ADRA1D: variants seen among roughly 807,000 people sequenced by gnomAD.
ADRA1D encodes adrenoceptor alpha 1D.
ADRA1D carries 22 observed loss-of-function variants against 18.6 expected under a neutral mutation model. The observed-to-expected ratio is 1.19, with a 90% CI of 0.85 to 1.69. The LOEUF is 1.69. Among genes scored for constraint, ADRA1D ranks in the 40% most tolerant of loss-of-function variants. The pLI, the probability that ADRA1D is intolerant of heterozygous loss-of-function variation, is 0.00. For missense variants in ADRA1D, 840 were observed against 840.7 expected (o/e 1.00, Z 0.01); for synonymous variants, 376 against 388.2 (o/e 0.97, Z 0.37).
intron 1 of ADRA1D, among the ~76,000 whole-genome samples, chr20:4,243,378 G>A (rs1452624360): frequency 1.3e-5 from 2 of 152,136 alleles, no homozygotes; most frequent in South Asian, 2.1e-4. Context: ...CCGATGAGGA[G>A]GGCAGATTTA....
Position 4,229,800 on chromosome 20 carries a change from GC to G in ADRA1D, c.1112-7671del, listed in dbSNP as rs964549008. ...CAGCCCCCTCACTGCTTGTGCCCCT[GC>G]CCCCTGAATCTTTTCTCACCCTGGC... On this transcript the variant is annotated intron_variant, in intron 1 of 1. Coordinates refer to ENST00000379453, the MANE Select transcript of ADRA1D (RefSeq NM_000678.4). Among the ~76,000 whole-genome samples, 76 of 151,010 alleles carry G rather than the reference GC, an allele frequency of 5.0e-4. 1 individual carries two copies. The highest frequency in any genetic ancestry group is 1.0e-3 in the Non-Finnish European group (70 of 67,834).
chr20:4,233,803 G>A (rs893434143), intron 1 of ADRA1D, among the ~76,000 whole-genome samples: 4 of 152,140 alleles, frequency 2.6e-5, no homozygotes, highest in Non-Finnish European at 4.4e-5. Context: ...GGGTGGGGGG[G>A]TGAGTGTGGC....
chr20:4,240,277 C>T (rs996792568), intron 1 of ADRA1D, among the ~76,000 whole-genome samples: 4 of 152,148 alleles, frequency 2.6e-5, no homozygotes, highest in African/African-American at 7.2e-5. Context: ...CCATATGCAA[C>T]GTGTGCTCCT....
At chr20:4,232,089 T>A (rs1004788073) in intron 1 of ADRA1D, among the ~76,000 whole-genome samples, 5 of 152,218 alleles carry the variant, frequency 3.3e-5, no homozygotes, top group African/African-American at 1.2e-4. Context: ...ATTTTCTGTA[T>A]TTTTAGTAGA....
At chr20:4,244,981 A>AC (rs1324052426) in intron 1 of ADRA1D, among the ~76,000 whole-genome samples, 1 of 151,824 alleles carries the variant, frequency 6.6e-6, no homozygotes, top group Non-Finnish European at 1.5e-5. Context: ...GGCCTCCTCC[A>AC]CCCCCCAATT....
At chr20:4,227,700 CTCCCTCCTTCCTTCCT>C (rs1469109044) in intron 1 of ADRA1D, among the ~76,000 whole-genome samples, 17 of 31,554 alleles carry the variant, frequency 5.4e-4, no homozygotes, top group Non-Finnish European at 1.0e-3. Flanking sequence ...CCCTCCCTCC[CTCCCTCCTTCCTTCCT>C]TCCTTCCTTC....
Position 4,221,677 on chromosome 20 carries a change from C to A in ADRA1D, c.1565G>T (p.Arg522Leu), listed in dbSNP as rs759055403. The A allele has an allele frequency of 6.2e-7, 1 of 1,612,470 alleles. No homozygotes were observed. The highest frequency in any genetic ancestry group is 1.7e-5 in the Admixed American group (1 of 59,972). ...CTCTGCGCGCTGCGCGCCCCCGGCGCGGATCTTGTGCGACAGGCTGGAGAC... is the reference window on the plus strand; with the variant it reads ...CTCTGCGCGCTGCGCGCCCCCGGCGAGGATCTTGTGCGACAGGCTGGAGAC... ...AKVSSLSHKI[R>L]AGGAQRAEAA... Residue 522 changes from arginine (R) to leucine (L), a missense_variant, in exon 2 of 2, where the codon CGC becomes CTC. Transcript: ENST00000379453.
intron 1 of ADRA1D, among the ~76,000 whole-genome samples, chr20:4,247,056 C>T (rs536099611): frequency 3.9e-5 from 6 of 152,162 alleles, no homozygotes; most frequent in Non-Finnish European, 8.8e-5. Context: ...GCCTCCAGTC[C>T]CAGACCCAGG....
intron 1 of ADRA1D, among the ~76,000 whole-genome samples, chr20:4,241,002 A>C (rs73896005): frequency 6.6e-6 from 1 of 152,184 alleles, no homozygotes; most frequent in African/African-American, 2.4e-5. Flanking sequence ...TTGCTTATTC[A>C]TAGTAATTAC....
At chr20:4,244,313 C>T (rs950079254) in intron 1 of ADRA1D, among the ~76,000 whole-genome samples, 2 of 152,208 alleles carry the variant, frequency 1.3e-5, no homozygotes, top group Non-Finnish European at 2.9e-5. Flanking sequence ...TGGTGCTCGT[C>T]ACAGCTAGTG....
At chr20:4,226,768 G>A (rs1374328119) in intron 1 of ADRA1D, among the ~76,000 whole-genome samples, 1 of 152,212 alleles carries the variant, frequency 6.6e-6, no homozygotes, top group Non-Finnish European at 1.5e-5. Context: ...TGTTTTATGT[G>A]TTCTCTGCCC....
In ADRA1D at chr20:4,248,741, C is replaced by T. The variant is rs529759648; in HGVS notation, c.217G>A (p.Gly73Arg). ...EDNRSSAGEP[G>R]SAGAGGDVNG... ...ACGTCGCCGCCCGCGCCCGCGCTCC[C>T]CGGCTCCCCCGCGGAGCTCCGGTTG... The change falls in exon 1 of 2, where the codon GGG (glycine) becomes AGG (arginine). Residue 73 changes from glycine to arginine, a missense_variant. Coordinates refer to ENST00000379453, the MANE Select transcript of ADRA1D (RefSeq NM_000678.4). 1.3e-5 allele frequency: 20 copies of T among 1,531,060 alleles called. No individual in the cohort carries two copies. The East Asian group carries it at 2.0e-4, about 15-fold the overall frequency. 94.8% of individuals were successfully genotyped at this position (1,531,060 alleles called of 1,614,324 possible). A position where few individuals can be genotyped will look rare whatever the true frequency, so the allele number is the denominator to read the frequency against.
At chr20:4,243,978 A>G (rs1252909893) in intron 1 of ADRA1D, among the ~76,000 whole-genome samples, 1 of 152,186 alleles carries the variant, frequency 6.6e-6, no homozygotes. Context: ...TCTCCCAGCC[A>G]GTGACTTGGG....
At chr20:4,243,912 C>A (rs1032644482) in intron 1 of ADRA1D, among the ~76,000 whole-genome samples, 19 of 152,160 alleles carry the variant, frequency 1.2e-4, no homozygotes, top group African/African-American at 4.6e-4. Context: ...GGGGATGATC[C>A]CCAGCTACTC....
intron 1 of ADRA1D, among the ~76,000 whole-genome samples, chr20:4,228,626 A>G (rs1980876487): frequency 6.6e-6 from 1 of 152,206 alleles, no homozygotes; most frequent in African/African-American, 2.4e-5. Context: ...CCTCTTTCCA[A>G]GCCTTGCAGC....
At position 4,242,357 on chromosome 20, in the gene ADRA1D, A is replaced by C. The variant is rs372219557; in HGVS notation, c.1111+5490T>G. ...CTTGACCCCTCTTCTCATAGGCTAC[A>C]CGTTTTACGTCTCCCAAACCACAGA... On this transcript the variant is annotated intron_variant, in intron 1 of 1. Transcript: ENST00000379453. Among the ~76,000 whole-genome samples the C allele has an allele frequency of 1.9e-4, 29 of 152,260 alleles. No homozygotes were observed. The East Asian group carries it at 2.5e-3, about 13-fold the overall frequency.
chr20:4,246,326 G>A (rs1981336117), intron 1 of ADRA1D, among the ~76,000 whole-genome samples: 1 of 152,158 alleles, frequency 6.6e-6, no homozygotes, highest in South Asian at 2.1e-4. Flanking sequence ...GTGCTTCAAG[G>A]GAGAAAACAA....
chr20:4,223,564 G>C (rs1600844496), intron 1 of ADRA1D, among the ~76,000 whole-genome samples: 1 of 152,172 alleles, frequency 6.6e-6, no homozygotes, highest in African/African-American at 2.4e-5. Context: ...CAGGTGGGGT[G>C]ATGATGGTGG....
At chr20:4,228,483 CAA>C (rs1175539263) in intron 1 of ADRA1D, among the ~76,000 whole-genome samples, 1 of 152,178 alleles carries the variant, frequency 6.6e-6, no homozygotes, top group Non-Finnish European at 1.5e-5. Context: ...AGGTGTGATA[CAA>C]AGAGTCCAAG....
Sources: gnomAD v4.1 joint callset for allele counts (sites outside exome capture counted in the v4.1 genomes callset) on GRCh38, gnomAD v4.1.1 for gene constraint, MANE v1.5 for transcripts, NCBI Gene and HGNC (gene_info 2026-07-23, HGNC 2026-07-21) for gene names.